Variants in GPC5 observed in about 807,000 individuals in gnomAD.
The protein encoded by GPC5 is glypican-5.
GPC5 carries 47 observed loss-of-function variants against 53.9 expected under a neutral mutation model. The ratio of observed to expected loss-of-function variants is 0.87; its 90% CI spans 0.69 to 1.11. The LOEUF is 1.11. Ranked by LOEUF, GPC5 falls within the 50% of genes most tolerant of loss-of-function variation. The pLI, the probability that GPC5 is intolerant of heterozygous loss-of-function variation, is 0.00. For synonymous variants in GPC5, 286 were observed against 263.3 expected, an observed-to-expected ratio of 1.09 and a Z score of -0.84; for missense variants, 748 against 713.1, an observed-to-expected ratio of 1.05 and a Z score of -0.56.
intron 6 of GPC5, among the ~76,000 whole-genome samples, chr13:91,956,304 G>A (rs781077081): frequency 1.3e-5 from 2 of 152,066 alleles, no homozygotes; most frequent in Admixed American, 1.3e-4. Context: ...ATCACAGCTG[G>A]CACCCACCAG....
At chr13:92,206,178 T>G (rs1237422370) in intron 7 of GPC5, among the ~76,000 whole-genome samples, 2 of 148,176 alleles carry the variant, frequency 1.3e-5, no homozygotes, top group Non-Finnish European at 3.0e-5. Context: ...TTTTTTTTTT[T>G]TTTTTGAGAC....
At chr13:92,141,185 C>T (rs956075385) in intron 6 of GPC5, among the ~76,000 whole-genome samples, 1 of 151,902 alleles carries the variant, frequency 6.6e-6, no homozygotes, top group African/African-American at 2.4e-5. Context: ...AGTTTTATTA[C>T]AATATGAGAG....
rs1884826312 is a variant in GPC5 at position 92,620,215 on chromosome 13, T to C, written c.1562-246067T>C. On this transcript the variant is annotated intron_variant, in intron 7 of 7. Coordinates refer to ENST00000377067, the MANE Select transcript of GPC5 (RefSeq NM_004466.6). ...AAATAAGTGGCGGAAAGAAAAAGAT[T>C]ACACAACTAGAAACTCAAGAAAAAA... is the stretch of plus-strand genomic sequence containing the variant. Among the ~76,000 whole-genome samples the C allele has an allele frequency of 3.3e-5, 5 of 152,226 alleles. No individual in the cohort carries two copies. In the South Asian group the frequency reaches 1.0e-3, roughly 32 times the overall value.
chr13:92,624,242 G>C (rs377013037), intron 7 of GPC5, among the ~76,000 whole-genome samples: 9 of 151,872 alleles, frequency 5.9e-5, no homozygotes, highest in East Asian at 5.8e-4. Flanking sequence ...GCTAATTTTT[G>C]TATTTTTATT....
chr13:92,115,960 AGAG>A (rs2041597301), intron 6 of GPC5, among the ~76,000 whole-genome samples: 1 of 152,148 alleles, frequency 6.6e-6, no homozygotes, highest in African/African-American at 2.4e-5. Flanking sequence ...TCTTACAAGA[AGAG>A]GAGATAGCTG....
intron 7 of GPC5, among the ~76,000 whole-genome samples, chr13:92,524,648 A>G (rs556192945): frequency 5.9e-5 from 9 of 152,222 alleles, no homozygotes; most frequent in Admixed American, 5.2e-4. Flanking sequence ...AACTCATTCT[A>G]AAGTCCTTTC....
chr13:91,913,561 A>G (rs1356735526), intron 6 of GPC5, among the ~76,000 whole-genome samples: 1 of 152,098 alleles, frequency 6.6e-6, no homozygotes, highest in Non-Finnish European at 1.5e-5. Context: ...CTGGGATCTG[A>G]TGTAAATAGA....
intron 7 of GPC5, among the ~76,000 whole-genome samples, chr13:92,602,130 A>G (rs1884078130): frequency 6.8e-6 from 1 of 146,630 alleles, no homozygotes; most frequent in Non-Finnish European, 1.5e-5. Context: ...ATATACATAT[A>G]ATACATATGT....
intron 5 of GPC5, among the ~76,000 whole-genome samples, chr13:91,781,031 G>A (rs1481620392): frequency 6.6e-6 from 1 of 152,192 alleles, no homozygotes; most frequent in African/African-American, 2.4e-5. Flanking sequence ...GTGGGAGAGA[G>A]CATTCTCTAT....
chr13:91,874,745 A>C (rs1448812117), intron 5 of GPC5, among the ~76,000 whole-genome samples: 3 of 152,222 alleles, frequency 2.0e-5, no homozygotes, highest in Admixed American at 1.3e-4. Context: ...TTAAAATTAC[A>C]TAGAAACTTA....
At chr13:91,954,990 A>T (rs913143697) in intron 6 of GPC5, among the ~76,000 whole-genome samples, 1 of 152,198 alleles carries the variant, frequency 6.6e-6, no homozygotes, top group South Asian at 2.1e-4. Flanking sequence ...TTAAAATGCC[A>T]TTAAAATATC....
intron 2 of GPC5, among the ~76,000 whole-genome samples, chr13:91,613,065 G>A (rs1229527730): frequency 1.4e-4 from 22 of 152,132 alleles, no homozygotes; most frequent in Non-Finnish European, 2.9e-4. Flanking sequence ...GTTTTTTTAT[G>A]TATAAAATGG....
intron 7 of GPC5, among the ~76,000 whole-genome samples, chr13:92,229,888 G>C (rs1307785012): frequency 3.9e-5 from 6 of 151,922 alleles, no homozygotes; most frequent in African/African-American, 1.5e-4. Context: ...TTAAAAAATA[G>C]TCTCTCTTAC....
rs540151314 is a variant in GPC5 at position 92,320,883 on chromosome 13, A to G, written c.1561+175894A>G. ...CAAATGTGGATTTTAAAAATCAATA[A>G]TGATCTACCAAATATATAAACCAAC... On this transcript the variant is annotated intron_variant, in intron 7 of 7. Coordinates refer to ENST00000377067, the MANE Select transcript of GPC5 (RefSeq NM_004466.6). 2.0e-4 allele frequency among the ~76,000 whole-genome samples: 31 copies of G among 152,320 alleles called. No homozygotes were observed. The South Asian group carries it at 6.2e-3, about 31-fold the overall frequency.
At chr13:91,945,165 T>C (rs559721861) in intron 6 of GPC5, among the ~76,000 whole-genome samples, 1 of 152,306 alleles carries the variant, frequency 6.6e-6, no homozygotes, top group Non-Finnish European at 1.5e-5. Flanking sequence ...TGTTTTACAG[T>C]TTTTGGATTT....
At chr13:92,285,808 C>A (rs1157781926) in intron 7 of GPC5, among the ~76,000 whole-genome samples, 1 of 152,064 alleles carries the variant, frequency 6.6e-6, no homozygotes, top group Non-Finnish European at 1.5e-5. Flanking sequence ...ACCTAGGCAA[C>A]ACCATTCAGG....
intron 6 of GPC5, among the ~76,000 whole-genome samples, chr13:91,925,696 C>T (rs1232677131): frequency 3.3e-5 from 5 of 152,090 alleles, no homozygotes; most frequent in Admixed American, 1.3e-4. Flanking sequence ...TATGGGCATA[C>T]GAAATTGATT....
intron 6 of GPC5, among the ~76,000 whole-genome samples, chr13:92,046,304 C>T (rs1379003288): frequency 6.6e-6 from 1 of 152,070 alleles, no homozygotes; most frequent in Admixed American, 6.5e-5. Flanking sequence ...ATTACAAGTT[C>T]AAGAAAGAAC....
At chr13:92,445,261 C>CTCT (rs778139607) in intron 7 of GPC5, among the ~76,000 whole-genome samples, 8,955 of 138,332 alleles carry the variant, frequency 0.065, 309 homozygotes, top group Admixed American at 0.087. Context: ...CTCTCTCTCT[C>CTCT]TTTTTTTTTT....
Sources: allele counts gnomAD v4.1 joint callset (sites outside exome capture counted in the v4.1 genomes callset), GRCh38; gene constraint gnomAD v4.1.1; transcripts MANE v1.5; gene names NCBI Gene and HGNC (gene_info 2026-07-23, HGNC 2026-07-21).